CTSO: variants seen among roughly 807,000 people sequenced by gnomAD.
The protein encoded by CTSO is cathepsin O.
In CTSO, 40 loss-of-function variants were observed where a neutral mutation model predicts 42.4. That is an observed-to-expected ratio of 0.94 (90% CI 0.73 to 1.23). The LOEUF is 1.23. CTSO is among the 50% of genes most tolerant of loss of function. The pLI, the probability that CTSO is intolerant of heterozygous loss-of-function variation, is 0.00. For synonymous variants in CTSO, 156 were observed against 146.2 expected (o/e 1.07, Z -0.48); for missense variants, 441 against 396.0 (o/e 1.11, Z -0.96).
chr4:155,939,750 G>T (rs1743396052), intron 3 of CTSO, among the ~76,000 whole-genome samples: 1 of 152,132 alleles, frequency 6.6e-6, no homozygotes, highest in African/African-American at 2.4e-5. Flanking sequence ...CATGTTGTCA[G>T]CATTATTACT....
chr4:155,951,617 C>T (rs534961164), intron 1 of CTSO, among the ~76,000 whole-genome samples: 30 of 152,316 alleles, frequency 2.0e-4, no homozygotes, highest in African/African-American at 6.7e-4. Context: ...TTAAAACCTT[C>T]ACCATTCTCT....
chr4:155,937,096 A>T (rs1384091377), intron 5 of CTSO, among the ~76,000 whole-genome samples: 1 of 152,044 alleles, frequency 6.6e-6, no homozygotes, highest in African/African-American at 2.4e-5. Flanking sequence ...AATATAAAAT[A>T]TAACAAATAA....
At chr4:155,928,111 T>G (rs1023664230) in intron 7 of CTSO, among the ~76,000 whole-genome samples, 1 of 152,072 alleles carries the variant, frequency 6.6e-6, no homozygotes, top group Non-Finnish European at 1.5e-5. Context: ...TATCTTATGT[T>G]TTGAGATATA....
intron 1 of CTSO, among the ~76,000 whole-genome samples, 183 bp from the exon 2 acceptor site, chr4:155,943,447 T>C (rs1432326968): frequency 6.6e-6 from 1 of 152,194 alleles, no homozygotes; most frequent in Non-Finnish European, 1.5e-5. Flanking sequence ...AGAATTATTA[T>C]CTAATTGCAG....
At chr4:155,948,049 A>G (rs915285671) in intron 1 of CTSO, among the ~76,000 whole-genome samples, 1 of 113,900 alleles carries the variant, frequency 8.8e-6, no homozygotes, top group Non-Finnish European at 1.9e-5. Context: ...ATTTGGTGAA[A>G]AATAACTACC....
chr4:155,937,506 C>T, intron 4 of CTSO, 23 bp from the exon 5 acceptor site: 2 of 1,607,642 alleles, frequency 1.2e-6, no homozygotes, highest in Non-Finnish European at 1.7e-6. Flanking sequence ...AATCACTGAA[C>T]ATGTTTACTG....
rs115056975 is a variant in CTSO, at chr4:155,930,159, C to A, written c.675-454G>T. The stretch of plus-strand genomic sequence containing the variant: ...GGAAGATGGGGAATGAGTTCTGTAG[C>A]TGGCTGGAAAATTAGTTAAGACATA... On this transcript the variant is annotated intron_variant, in intron 5 of 7. Coordinates refer to ENST00000433477, the MANE Select transcript of CTSO (RefSeq NM_001334.3). 3.5e-3 allele frequency among the ~76,000 whole-genome samples: 535 copies of A among 152,242 alleles called. 2 individuals carry two copies. Among genetic ancestry groups the A allele is most frequent in the African/African-American group, 0.012 (512 of 41,536 alleles).
At chr4:155,953,509 A>G (rs1743713744) in intron 1 of CTSO, among the ~76,000 whole-genome samples, 1 of 152,212 alleles carries the variant, frequency 6.6e-6, no homozygotes, top group African/African-American at 2.4e-5. Flanking sequence ...TGGTTAGCAA[A>G]GGCATGGGGG....
chr4:155,948,246 A>C (rs954187180), intron 1 of CTSO, among the ~76,000 whole-genome samples: 5 of 152,124 alleles, frequency 3.3e-5, no homozygotes, highest in Admixed American at 3.3e-4. Context: ...GTCTCTATTT[A>C]TTATAGGTAT....
At chr4:155,936,165 GT>G (rs1416108117) in intron 5 of CTSO, among the ~76,000 whole-genome samples, 1 of 152,144 alleles carries the variant, frequency 6.6e-6, no homozygotes, top group Admixed American at 6.5e-5. Flanking sequence ...CAAATGAGAT[GT>G]TGACCACGGT....
chr4:155,946,400 T>C (rs1328718979), intron 1 of CTSO, among the ~76,000 whole-genome samples: 2 of 152,196 alleles, frequency 1.3e-5, no homozygotes, highest in African/African-American at 4.8e-5. Context: ...TTATTTTAAA[T>C]ATTTATGTCC....
At chr4:155,948,623 A>G (rs1264658796) in intron 1 of CTSO, among the ~76,000 whole-genome samples, 3 of 152,108 alleles carry the variant, frequency 2.0e-5, no homozygotes, top group Middle Eastern at 3.2e-3. Context: ...AAACAGGATA[A>G]CTCTATTGAC....
intron 1 of CTSO, among the ~76,000 whole-genome samples, chr4:155,947,330 G>A (rs996371951): frequency 2.0e-5 from 3 of 152,088 alleles, no homozygotes; most frequent in Admixed American, 2.0e-4. Flanking sequence ...ACAGAGACTG[G>A]CAAAATAAAT....
intron 2 of CTSO, 38 bp downstream of exon 2, chr4:155,943,118 A>T (rs1366597747): frequency 5.7e-6 from 7 of 1,217,826 alleles, no homozygotes; most frequent in Non-Finnish European, 8.3e-6. Flanking sequence ...AGCAAATTAA[A>T]ATCAGGAAAC....
chr4:155,937,440 G>A lies in CTSO; in HGVS notation c.596C>T (p.Ala199Val), dbSNP rs1743349418. 1.2e-6 allele frequency: 2 copies of A among 1,612,910 alleles called. No homozygotes were observed. Among genetic ancestry groups the A allele is most frequent in the Admixed American group, 1.7e-5 (1 of 59,978 alleles). The change falls in exon 5 of 8, where the codon GCA (alanine) becomes GTA (valine). Residue 199 changes from alanine (A) to valine (V), a missense_variant. Physicochemically the swap from Ala to Val is moderately conservative, Grantham distance 64. Transcript: ENST00000433477. ...AAAGTAATGGCACAGACCATTTTGT[G>A]CTTTAAAAGGATATTCTGAATCTTT... is the stretch of plus-strand genomic sequence containing the variant. ...LVKDSEYPFK[A>V]QNGLCHYFSG...
rs1458899198 is a variant in CTSO at position 155,928,338 on chromosome 4, C to A, written c.929G>T (p.Cys310Phe). The change falls in exon 7 of 8, where the codon TGT (cysteine) becomes TTT (phenylalanine). Residue 310 changes from cysteine to phenylalanine, a missense_variant and splice_region_variant. By Grantham distance (205) the Cys-to-Phe change is radical (BLOSUM62 -2). Coordinates refer to ENST00000433477, the MANE Select transcript of CTSO (RefSeq NM_001334.3). ...YAHVKMGSNVCGIADSVSSIF... is the reference protein window; with the variant it reads ...YAHVKMGSNVFGIADSVSSIF... ...TTAAACACAAACTCATGACTTACCA[C>A]AAACATTACTTCCCATTTTGACATG... 1.2e-6 allele frequency: 2 copies of A among 1,607,564 alleles called. No homozygotes were observed. The highest frequency in any genetic ancestry group is 1.7e-6 in the Non-Finnish European group (2 of 1,175,922).
chr4:155,934,590 C>G (rs568801572), intron 5 of CTSO, among the ~76,000 whole-genome samples: 1 of 152,290 alleles, frequency 6.6e-6, no homozygotes, highest in South Asian at 2.1e-4. Context: ...CAGAGGTGCT[C>G]AAGACCATTA....
intron 5 of CTSO, among the ~76,000 whole-genome samples, chr4:155,933,624 G>C (rs1334090045): frequency 2.0e-5 from 3 of 152,306 alleles, no homozygotes; most frequent in East Asian, 3.9e-4. Flanking sequence ...AATGCCAATA[G>C]TGATATGAAC....
At chr4:155,932,000 G>C (rs1743243701) in intron 5 of CTSO, among the ~76,000 whole-genome samples, 1 of 151,890 alleles carries the variant, frequency 6.6e-6, no homozygotes, top group Non-Finnish European at 1.5e-5. Flanking sequence ...AGAATTCAGT[G>C]TGTTATACTG....
Sources: allele counts gnomAD v4.1 joint callset (sites outside exome capture counted in the v4.1 genomes callset), GRCh38; gene constraint gnomAD v4.1.1; transcripts MANE v1.5; gene names NCBI Gene and HGNC (gene_info 2026-07-23, HGNC 2026-07-21).